Variants in SLC1A3 observed in about 807,000 individuals in gnomAD.
SLC1A3 encodes excitatory amino acid transporter 1.
A neutral mutation model predicts 48.1 loss-of-function variants in SLC1A3; 21 were observed. The ratio of observed to expected loss-of-function variants is 0.44; its 90% CI spans 0.31 to 0.63. SLC1A3 has a LOEUF of 0.63. SLC1A3 is among the 20% of genes least tolerant of loss of function. SLC1A3 has a pLI of 0.08. For missense variants in SLC1A3, 546 were observed against 689.0 expected, an observed-to-expected ratio of 0.79 and a Z score of 2.32; for synonymous variants, 239 against 251.4, an observed-to-expected ratio of 0.95 and a Z score of 0.47.
intron 3 of SLC1A3, among the ~76,000 whole-genome samples, chr5:36,663,534 C>A (rs796760301): frequency 2.8e-4 from 43 of 152,104 alleles, no homozygotes; most frequent in African/African-American, 1.0e-3. Context: ...AGCCACCGCG[C>A]CCGGCCCTGC....
At chr5:36,645,438 TCCC>T (rs1740803920) in intron 3 of SLC1A3, among the ~76,000 whole-genome samples, 1 of 147,650 alleles carries the variant, frequency 6.8e-6, no homozygotes, top group Admixed American at 6.9e-5. Flanking sequence ...GCAATTCTCT[TCCC>T]CAGCTGCCCA....
At chr5:36,636,549 CCTTT>C (rs1273807401) in intron 3 of SLC1A3, among the ~76,000 whole-genome samples, 18 of 134,752 alleles carry the variant, frequency 1.3e-4, no homozygotes, top group East Asian at 1.1e-3. Context: ...CTCTCTCTTT[CCTTT>C]CTTTCTTTCT....
chr5:36,655,095 C>A (rs1273255186), intron 3 of SLC1A3, among the ~76,000 whole-genome samples: 2 of 152,134 alleles, frequency 1.3e-5, no homozygotes, highest in African/African-American at 4.8e-5. Flanking sequence ...TATGTGCCTC[C>A]TGGGGGACCT....
intron 2 of SLC1A3, among the ~76,000 whole-genome samples, chr5:36,616,349 G>C (rs1456772018): frequency 2.6e-5 from 4 of 152,134 alleles, no homozygotes; most frequent in Non-Finnish European, 4.4e-5. Context: ...GGCCCAAAAA[G>C]GTTTAGATAA....
chr5:36,605,590 A>G (rs570753174), upstream of SLC1A3, among the ~76,000 whole-genome samples: 5 of 152,348 alleles, frequency 3.3e-5, no homozygotes, highest in African/African-American at 1.2e-4. Flanking sequence ...CATGGGGAAT[A>G]TTAAATTCAG....
intron 2 of SLC1A3, among the ~76,000 whole-genome samples, chr5:36,620,375 A>C (rs1461465362): frequency 6.6e-6 from 1 of 152,224 alleles, no homozygotes; most frequent in African/African-American, 2.4e-5. Context: ...TGAATTTAGA[A>C]AGCTAAGCCT....
intron 8 of SLC1A3, among the ~76,000 whole-genome samples, chr5:36,681,627 A>G (rs1742445024): frequency 6.6e-6 from 1 of 152,144 alleles, no homozygotes; most frequent in Admixed American, 6.5e-5. Flanking sequence ...TGCAGAGGCA[A>G]CCAGTGTTAC....
intron 5 of SLC1A3, among the ~76,000 whole-genome samples, chr5:36,675,763 T>C (rs200555811): frequency 1.3e-5 from 2 of 152,246 alleles, no homozygotes; most frequent in Non-Finnish European, 2.9e-5. Flanking sequence ...TAACTGTTCA[T>C]GAATGTGTCC....
chr5:36,678,862 C>T (rs1031406044), intron 6 of SLC1A3, among the ~76,000 whole-genome samples: 7 of 152,180 alleles, frequency 4.6e-5, no homozygotes, highest in Non-Finnish European at 1.0e-4. Context: ...TGCAGTAGTA[C>T]ATACATGCAC....
chr5:36,666,355 T>A (rs751357768), intron 3 of SLC1A3: 1 of 152,214 alleles, frequency 6.6e-6, no homozygotes, highest in African/African-American at 2.4e-5. Flanking sequence ...TTTCATTAGA[T>A]GCGTGTATGA....
intron 2 of SLC1A3, among the ~76,000 whole-genome samples, chr5:36,611,173 G>A (rs1166819728): frequency 6.6e-6 from 1 of 151,270 alleles, no homozygotes; most frequent in Non-Finnish European, 1.5e-5. Flanking sequence ...AAACAAGAAA[G>A]ATGCTAGCAA....
chr5:36,598,133 G>A (rs1738765604), intron 1 of SLC1A3, among the ~76,000 whole-genome samples: 1 of 152,222 alleles, frequency 6.6e-6, no homozygotes, highest in African/African-American at 2.4e-5. Flanking sequence ...TAGCGCTTAA[G>A]TTCCCAGGCT....
chr5:36,666,010 C>T (rs911195318), intron 3 of SLC1A3, among the ~76,000 whole-genome samples: 6 of 152,096 alleles, frequency 3.9e-5, no homozygotes, highest in African/African-American at 1.4e-4. Flanking sequence ...TATTTTTGCA[C>T]AGAAAAACAA....
intron 2 of SLC1A3, among the ~76,000 whole-genome samples, chr5:36,614,428 G>T (rs1197512274): frequency 6.6e-6 from 1 of 152,298 alleles, no homozygotes; most frequent in East Asian, 1.9e-4. Flanking sequence ...CAAGAGAGTT[G>T]TAGGAAGAGC....
At chr5:36,598,120 G>T (rs1483477621) in intron 1 of SLC1A3, among the ~76,000 whole-genome samples, 2 of 152,220 alleles carry the variant, frequency 1.3e-5, no homozygotes, top group Non-Finnish European at 2.9e-5. Context: ...GAGCAGAATT[G>T]TGTAGCGCTT....
intron 3 of SLC1A3, among the ~76,000 whole-genome samples, chr5:36,634,179 G>A (rs1021604374): frequency 2.0e-5 from 3 of 152,080 alleles, no homozygotes; most frequent in Non-Finnish European, 4.4e-5. Context: ...GGGAGTCTGA[G>A]GCAGGAGAAT....
At chr5:36,613,714 G>A (rs2111682910) in intron 2 of SLC1A3, among the ~76,000 whole-genome samples, 1 of 152,284 alleles carries the variant, frequency 6.6e-6, no homozygotes, top group East Asian at 1.9e-4. Flanking sequence ...GGGGTAGGGG[G>A]ATCCTGAGTC....
At chr5:36,628,409 C>T (rs2111750052) in intron 2 of SLC1A3, among the ~76,000 whole-genome samples, 1 of 152,296 alleles carries the variant, frequency 6.6e-6, no homozygotes, top group South Asian at 2.1e-4. Flanking sequence ...CCGCTTCTCC[C>T]CACCAACCCA....
Position 36,679,874 on chromosome 5 carries a change from T to A in SLC1A3, c.1094+14T>A. ...GACCTCTTCAAGGTATGTATGTATG[T>A]GTGGAAAATGAGTCTGAAATGTTAC... is the stretch of plus-strand genomic sequence containing the variant. On this transcript the variant is annotated intron_variant, in intron 7 of 9. Transcript: ENST00000265113. The A allele has an allele frequency of 6.4e-7, 1 of 1,571,144 alleles. No homozygotes were observed. The highest frequency in any genetic ancestry group is 1.1e-5 in the South Asian group (1 of 90,136).
Sources: gnomAD v4.1 joint callset for allele counts (sites outside exome capture counted in the v4.1 genomes callset) on GRCh38, gnomAD v4.1.1 for gene constraint, MANE v1.5 for transcripts, NCBI Gene and HGNC (gene_info 2026-07-23, HGNC 2026-07-21) for gene names.